AMZ2: variants seen among roughly 807,000 people sequenced by gnomAD.
The protein encoded by AMZ2 is archaelysin family metallopeptidase 2, also known as archaemetzincin-2.
In AMZ2, 26 loss-of-function variants were observed where a neutral mutation model predicts 36.7. That is an observed-to-expected ratio of 0.71 (90% confidence interval 0.52 to 0.98). The LOEUF is 0.98. AMZ2 is among the 50% of genes least tolerant of loss of function. The probability of loss-of-function intolerance (pLI) is 0.00; values close to 1 mark genes in which losing one functional copy is unlikely to be tolerated. For synonymous variants in AMZ2, 144 were observed against 149.1 expected (o/e 0.97, Z 0.25); for missense variants, 394 against 430.5 (o/e 0.92, Z 0.75).
At chr17:68,223,924 C>T (rs1168916171) in intron 1 of AMZ2, among the ~76,000 whole-genome samples, 4 of 145,006 alleles carry the variant, frequency 2.8e-5, no homozygotes, top group African/African-American at 7.7e-5. Context: ...GAGTCTCGCT[C>T]TGTCGCCCAG....
In AMZ2 at chr17:68,250,328, C is replaced by G; in HGVS notation, c.141C>G (p.Leu47=). 1 of 1,614,228 alleles carries G rather than the reference C, an allele frequency of 6.2e-7. No individual in the cohort carries two copies. Among genetic ancestry groups the G allele is most frequent in the South Asian group, 1.1e-5 (1 of 91,088 alleles). ...MNEAFQPASD[L]FGPITLHSPS... ...AAGCCTTCCAGCCAGCCAGTGATCT[C>G]TTTGGACCCATTACCTTGCATTCTC... is the stretch of plus-strand genomic sequence containing the variant. The change falls in exon 2 of 7, where the codon CTC becomes CTG. Residue 47 remains leucine, a synonymous_variant. Coordinates refer to ENST00000359904, the MANE Select transcript of AMZ2 (RefSeq NM_016627.5).
chr17:68,245,169 T>C (rs190415617), upstream of AMZ2, among the ~76,000 whole-genome samples: 31 of 151,098 alleles, frequency 2.1e-4, no homozygotes, highest in Admixed American at 1.7e-3. Flanking sequence ...AAAAATACCT[T>C]AGTAAGAGAA....
In AMZ2 at chr17:68,250,332, G is replaced by A. The variant is rs1555738610; in HGVS notation, c.145G>A (p.Gly49Arg). 1 of 1,614,148 alleles carries A rather than the reference G, an allele frequency of 6.2e-7. No individual in the cohort carries two copies. The highest frequency in any genetic ancestry group is 1.1e-5 in the South Asian group (1 of 91,088). The change falls in exon 2 of 7, where the codon GGA becomes AGA. Residue 49 changes from glycine to arginine, a missense_variant. Gly to Arg is a moderately radical substitution (Grantham distance 125). Transcript: ENST00000359904. Reference protein sequence around the residue: ...EAFQPASDLFGPITLHSPSDW... With the variant: ...EAFQPASDLFRPITLHSPSDW... ...CTTCCAGCCAGCCAGTGATCTCTTTGGACCCATTACCTTGCATTCTCCATC... is the reference window on the plus strand; with the variant it reads ...CTTCCAGCCAGCCAGTGATCTCTTTAGACCCATTACCTTGCATTCTCCATC...
At position 68,221,178 on chromosome 17, in the gene AMZ2, G is replaced by C. The variant is rs546382731; in HGVS notation, c.-67+14940G>C. 3.5e-5 allele frequency among the ~76,000 whole-genome samples: 5 copies of C among 142,046 alleles called. No homozygotes were observed. In the South Asian group the frequency reaches 1.1e-3, roughly 32 times the overall value. The allele number at this position is 142,046 out of a possible 152,430, so 93.2% of individuals were successfully genotyped here. A position where few individuals can be genotyped will look rare whatever the true frequency, so the allele number is the denominator to read the frequency against. ...GTTCACTGCAGCCTTGACCTCCTGG[G>C]TCAAGTGATCTTCCTGCCTCAGCCC... is the stretch of plus-strand genomic sequence containing the variant. On this transcript the variant is annotated intron_variant, in intron 1 of 7. Transcript: ENST00000674770.
At chr17:68,253,826 T>C (rs1555741149) in intron 4 of AMZ2, among the ~76,000 whole-genome samples, 1 of 151,296 alleles carries the variant, frequency 6.6e-6, no homozygotes, top group African/African-American at 2.4e-5. Context: ...CGATCTTGGC[T>C]CACTGCAACT....
chr17:68,206,166 G>T, exon 1 of AMZ2: 1 of 1,306,580 alleles, frequency 7.7e-7, no homozygotes, highest in Non-Finnish European at 9.8e-7. Context: ...GGAGGAGCTG[G>T]AAGACGACGA....
chr17:68,208,422 G>A (rs562448832), intron 1 of AMZ2, among the ~76,000 whole-genome samples: 1 of 152,150 alleles, frequency 6.6e-6, no homozygotes, highest in African/African-American at 2.4e-5. Context: ...TGCACCAATC[G>A]ACAATCTGTA....
At chr17:68,234,803 A>T (rs1169754601) in intron 1 of AMZ2, among the ~76,000 whole-genome samples, 1 of 151,586 alleles carries the variant, frequency 6.6e-6, no homozygotes, top group African/African-American at 2.4e-5. Context: ...AAAAAAAAAG[A>T]TAGCTAGGAG....
Position 68,206,293 on chromosome 17 carries a change from C to A in AMZ2, c.-67+55C>A, listed in dbSNP as rs12944479. 1.9e-5 allele frequency: 24 copies of A among 1,251,500 alleles called. No individual in the cohort carries two copies. The Admixed American group carries it at 4.2e-4, about 22-fold the overall frequency. The allele number at this position is 1,251,500 out of a possible 1,614,324, so 77.5% of individuals were successfully genotyped here. ...CCTTCCCCACCTCCTCTGCCCTCCC[C>A]CCTTGCTCACTCGTGTGCTGTGCAT... On this transcript the variant is annotated intron_variant, in intron 1 of 7. Coordinates refer to the AMZ2 transcript ENST00000674770.
rs2073776867 is a variant in AMZ2 at position 68,235,930 on chromosome 17, A to G, written c.-66-12710A>G. Among the ~76,000 whole-genome samples, 1 of 151,954 alleles carries G rather than the reference A, an allele frequency of 6.6e-6. No individual in the cohort carries two copies. Among genetic ancestry groups the G allele is most frequent in the Admixed American group, 6.6e-5 (1 of 15,256 alleles). Reference sequence around the variant, plus strand: ...CTGCAACCTCCATCTCCCGGGCTCAAGCGATTCTCCTGCCTCAGGCTCCCA... The same window carrying G: ...CTGCAACCTCCATCTCCCGGGCTCAGGCGATTCTCCTGCCTCAGGCTCCCA... On this transcript the variant is annotated intron_variant, in intron 1 of 7. Transcript: ENST00000674770. The surrounding 1 kb of genome is among the most constrained non-coding windows in gnomAD (Gnocchi z 4.2).
chr17:68,218,875 T>G (rs2073270390), intron 1 of AMZ2, among the ~76,000 whole-genome samples: 1 of 152,232 alleles, frequency 6.6e-6, no homozygotes, highest in Admixed American at 6.5e-5. Flanking sequence ...AAATATTGAA[T>G]CAGTTTCTCT....
intron 1 of AMZ2, among the ~76,000 whole-genome samples, chr17:68,223,258 G>A (rs12952627): frequency 0.33 from 49,213 of 151,330 alleles, 8,455 homozygotes; most frequent in African/African-American, 0.44. Context: ...AGTCAGTTTC[G>A]AAGACTGGGC....
chr17:68,214,893 C>T (rs1555726872), intron 1 of AMZ2, among the ~76,000 whole-genome samples: 2 of 152,218 alleles, frequency 1.3e-5, no homozygotes, highest in Admixed American at 1.3e-4. Flanking sequence ...AAGCAGTCCT[C>T]CTGCTTCAGT....
chr17:68,247,613 G>T (rs2074085656), upstream of AMZ2: 2 of 984,752 alleles, frequency 2.0e-6, no homozygotes, highest in Middle Eastern at 5.2e-4. Flanking sequence ...CGGCCCCGGG[G>T]AGCGCTGCGG....
intron 1 of AMZ2, among the ~76,000 whole-genome samples, chr17:68,212,512 G>A (rs1555726307): frequency 6.6e-6 from 1 of 152,084 alleles, no homozygotes; most frequent in East Asian, 1.9e-4. Flanking sequence ...CTCCAGCTTG[G>A]GAGACAGAAA....
intron 1 of AMZ2, among the ~76,000 whole-genome samples, chr17:68,239,836 T>TAA (rs1185178244): frequency 3.3e-5 from 5 of 152,190 alleles, no homozygotes; most frequent in Admixed American, 2.0e-4. Flanking sequence ...AATGAAATCT[T>TAA]AACAGCCAAA....
chr17:68,241,812 C>T (rs1555734035), intron 1 of AMZ2, among the ~76,000 whole-genome samples: 1 of 151,450 alleles, frequency 6.6e-6, no homozygotes, highest in Non-Finnish European at 1.5e-5. Context: ...GCAACCTCTG[C>T]GTCCCAGGTT....
intron 4 of AMZ2, among the ~76,000 whole-genome samples, chr17:68,253,551 T>C (rs2074651603): frequency 6.6e-6 from 1 of 152,142 alleles, no homozygotes; most frequent in South Asian, 2.1e-4. Flanking sequence ...GTTGAGCTGT[T>C]CTTTGAAAAG....
At chr17:68,228,301 A>G (rs1198703017) in intron 1 of AMZ2, among the ~76,000 whole-genome samples, 1 of 152,124 alleles carries the variant, frequency 6.6e-6, no homozygotes, top group Non-Finnish European at 1.5e-5. Context: ...AGTCTGACCA[A>G]AAGGGAAACT....
Sources: gnomAD v4.1 joint callset for allele counts (sites outside exome capture counted in the v4.1 genomes callset) on GRCh38, gnomAD v4.1.1 for gene constraint, Gnocchi (gnomAD v3.1) non-coding constraint, MANE v1.5 for transcripts, NCBI Gene and HGNC (gene_info 2026-07-23, HGNC 2026-07-21) for gene names.